The following KCNAB1 variants were observed in gnomAD, a reference collection of about 807,000 sequenced individuals.
The protein encoded by KCNAB1 is potassium voltage-gated channel subfamily A regulatory beta subunit 1, also known as voltage-gated potassium channel subunit beta-1.
Under a neutral mutation model 64.6 loss-of-function variants are expected in KCNAB1, and 35 were observed. That is an observed-to-expected ratio of 0.54 (90% CI 0.41 to 0.72). The LOEUF (loss-of-function observed/expected upper bound fraction) is 0.72. KCNAB1 is among the 30% of genes least tolerant of loss of function. The probability of loss-of-function intolerance (pLI) is 0.00; values close to 1 mark genes in which losing one functional copy is unlikely to be tolerated. For synonymous variants in KCNAB1, 177 were observed against 183.8 expected (o/e 0.96, Z 0.30); for missense variants, 401 against 512.9 (o/e 0.78, Z 2.11).
intron 9 of KCNAB1, among the ~76,000 whole-genome samples, chr3:156,514,722 TA>T (rs1266697606): frequency 3.9e-5 from 6 of 152,254 alleles, no homozygotes; most frequent in African/African-American, 1.4e-4. Context: ...AGTTTTCTTA[TA>T]AAAAACTGTA....
intron 1 of KCNAB1, among the ~76,000 whole-genome samples, chr3:156,261,816 A>T (rs974217994): frequency 6.6e-6 from 1 of 152,006 alleles, no homozygotes; most frequent in African/African-American, 2.4e-5. Flanking sequence ...TTCTAGATCA[A>T]TTTGGGGAGA....
At chr3:156,284,279 A>C (rs59775519) in intron 1 of KCNAB1, among the ~76,000 whole-genome samples, 2 of 152,040 alleles carry the variant, frequency 1.3e-5, no homozygotes, top group Admixed American at 1.3e-4. Flanking sequence ...TAGGCTGCTC[A>C]GGGGTCAGGG....
chr3:156,491,313 G>A (rs1035327162), intron 8 of KCNAB1, among the ~76,000 whole-genome samples: 4 of 152,104 alleles, frequency 2.6e-5, no homozygotes, highest in African/African-American at 7.2e-5. Flanking sequence ...GCAGCAGGAC[G>A]ATGGAGGGCT....
chr3:156,515,310 C>T (rs1717483783), intron 10 of KCNAB1, 90 bp downstream of exon 10: 3 of 1,228,584 alleles, frequency 2.4e-6, no homozygotes, highest in Non-Finnish European at 3.4e-6. Flanking sequence ...TATTGAAATG[C>T]TTTCCTAAAT....
chr3:156,297,621 C>G (rs1720886386), intron 1 of KCNAB1, among the ~76,000 whole-genome samples: 1 of 152,148 alleles, frequency 6.6e-6, no homozygotes, highest in Admixed American at 6.5e-5. Context: ...CCATGCCATT[C>G]CTTTCAGAGC....
chr3:156,498,703 A>G (rs1015023510), intron 8 of KCNAB1, among the ~76,000 whole-genome samples: 2 of 152,276 alleles, frequency 1.3e-5, no homozygotes, highest in Non-Finnish European at 2.9e-5. Context: ...CACCGTAGAT[A>G]TCTCAGTTGG....
intron 4 of KCNAB1, among the ~76,000 whole-genome samples, chr3:156,458,100 G>A (rs1463339223): frequency 6.6e-6 from 1 of 152,188 alleles, no homozygotes; most frequent in Admixed American, 6.5e-5. Context: ...TCTTTTGTAA[G>A]AGGGGATCTC....
intron 1 of KCNAB1, among the ~76,000 whole-genome samples, chr3:156,395,638 G>C (rs979498552): frequency 2.7e-5 from 4 of 146,228 alleles, no homozygotes; most frequent in Non-Finnish European, 3.0e-5. Context: ...GTTTTCAAAA[G>C]GAAGCTAGTG....
chr3:156,230,293 A>G (rs554246019), intron 1 of KCNAB1, among the ~76,000 whole-genome samples: 4 of 152,218 alleles, frequency 2.6e-5, no homozygotes, highest in Admixed American at 6.5e-5. Flanking sequence ...TAGATACACA[A>G]ATACTTACCA....
At chr3:156,455,067 C>G (rs1712300378) in intron 3 of KCNAB1, among the ~76,000 whole-genome samples, 1 of 152,150 alleles carries the variant, frequency 6.6e-6, no homozygotes, top group Non-Finnish European at 1.5e-5. Context: ...TTCCCTGGGT[C>G]CCTGAAGAGA....
At chr3:156,153,677 C>A (rs912047747) in intron 1 of KCNAB1, among the ~76,000 whole-genome samples, 2 of 152,200 alleles carry the variant, frequency 1.3e-5, no homozygotes, top group African/African-American at 4.8e-5. Context: ...ATTCCTTCTG[C>A]CTGATTGTTG....
chr3:156,505,993 C>T (rs1255891026), intron 8 of KCNAB1, among the ~76,000 whole-genome samples: 1 of 152,208 alleles, frequency 6.6e-6, no homozygotes, highest in African/African-American at 2.4e-5. Flanking sequence ...CACCTGGACC[C>T]ACCTCCAACA....
At chr3:156,201,209 G>A (rs975974561) in intron 1 of KCNAB1, among the ~76,000 whole-genome samples, 7 of 152,162 alleles carry the variant, frequency 4.6e-5, no homozygotes, top group Non-Finnish European at 7.4e-5. Flanking sequence ...GAAATCACCC[G>A]CCTTCTGCAT....
At position 156,465,640 on chromosome 3, in the gene KCNAB1, C is replaced by A; in HGVS notation, c.528-3C>A. The A allele has an allele frequency of 1.2e-6, 2 of 1,612,216 alleles. No individual in the cohort carries two copies. The highest frequency in any genetic ancestry group is 1.7e-6 in the Non-Finnish European group (2 of 1,178,462). ...AAAGTTATTTGCTTCTTTTTCTTGG[C>A]AGAGCTGAAACAGAAAGAGGGCTGT... On this transcript the variant is annotated splice_region_variant and splice_polypyrimidine_tract_variant and intron_variant, in intron 6 of 13. Transcript: ENST00000490337.
At chr3:156,435,734 C>T (rs1393490204) in intron 2 of KCNAB1, among the ~76,000 whole-genome samples, 3 of 151,996 alleles carry the variant, frequency 2.0e-5, no homozygotes, top group Non-Finnish European at 2.9e-5. Flanking sequence ...GATTCTAGCT[C>T]GTGGAGATTA....
At chr3:156,488,471 A>G (rs1413548347) in intron 8 of KCNAB1, among the ~76,000 whole-genome samples, 4 of 152,084 alleles carry the variant, frequency 2.6e-5, no homozygotes, top group Admixed American at 2.6e-4. Flanking sequence ...AGGCCCTGAG[A>G]TGGGAGCCTT....
rs866255827 is a variant in KCNAB1 at position 156,194,638 on chromosome 3, G to A, written c.275+73752G>A. Reference sequence around the variant, plus strand: ...GTTTCCATCAAACTGAAAGTTTTCAGCCATTCCATTATTTTTTCAATTTTT... The same window carrying A: ...GTTTCCATCAAACTGAAAGTTTTCAACCATTCCATTATTTTTTCAATTTTT... On this transcript the variant is annotated intron_variant, in intron 1 of 13. Transcript: ENST00000490337. Among the ~76,000 whole-genome samples the A allele has an allele frequency of 2.0e-5, 3 of 152,188 alleles. No homozygotes were observed. The Middle Eastern group carries it at 0.01, about 518-fold the overall frequency.
intron 1 of KCNAB1, among the ~76,000 whole-genome samples, chr3:156,204,905 T>C (rs2108384273): frequency 6.6e-6 from 1 of 152,308 alleles, no homozygotes; most frequent in African/African-American, 2.4e-5. Flanking sequence ...GCAGCTAGGA[T>C]GATGGACTCG....
intron 1 of KCNAB1, among the ~76,000 whole-genome samples, chr3:156,227,525 A>C (rs1374261018): frequency 6.6e-6 from 1 of 152,228 alleles, no homozygotes; most frequent in East Asian, 1.9e-4. Context: ...TATGCAAATT[A>C]GTATACGATT....
Sources: gnomAD v4.1 joint callset for allele counts (sites outside exome capture counted in the v4.1 genomes callset) on GRCh38, gnomAD v4.1.1 for gene constraint, MANE v1.5 for transcripts, NCBI Gene and HGNC (gene_info 2026-07-23, HGNC 2026-07-21) for gene names.